The following ADGRG2 variants were observed in gnomAD, a reference collection of about 807,000 sequenced individuals.
The protein encoded by ADGRG2 is adhesion G protein-coupled receptor G2.
A neutral mutation model predicts 74.1 loss-of-function variants in ADGRG2; 26 were observed. The observed-to-expected ratio is 0.35, with a 90% CI of 0.26 to 0.49. The LOEUF (loss-of-function observed/expected upper bound fraction) is 0.49, where lower values mean the gene tolerates loss of function less well. ADGRG2 is among the 20% of genes least tolerant of loss of function. The pLI is 0.99. For synonymous variants in ADGRG2, 296 were observed against 295.2 expected (o/e 1.00, Z -0.03); for missense variants, 619 against 763.1 (o/e 0.81, Z 2.22).
intron 3 of ADGRG2, among the ~76,000 whole-genome samples, chrX:19,047,710 C>T (rs1365582186): frequency 1.8e-5 from 2 of 111,180 alleles, no homozygotes; most frequent in African/African-American, 6.6e-5. Context: ...GCCACCACGC[C>T]TAGGCACTCT....
At chrX:19,039,190 G>C (rs1246582227) in intron 4 of ADGRG2, 21 of 328,935 alleles carry the variant, frequency 6.4e-5, no homozygotes, top group South Asian at 1.0e-4. Context: ...AGGCAGGAAG[G>C]TGGTGGCCAA....
chrX:19,098,649 A>G (rs902456997), intron 1 of ADGRG2, among the ~76,000 whole-genome samples: 1 of 111,692 alleles, frequency 9.0e-6, no homozygotes, highest in Non-Finnish European at 1.9e-5. Context: ...AAACACATAA[A>G]GCAGAGAAGT....
chrX:19,118,701 T>C (rs1190291078), intron 1 of ADGRG2, among the ~76,000 whole-genome samples: 1 of 112,328 alleles, frequency 8.9e-6, no homozygotes, highest in Admixed American at 9.5e-5. Flanking sequence ...CAGTTTTTGA[T>C]AAAGCTCACA....
At chrX:19,091,939 T>C (rs5955519) in intron 1 of ADGRG2, among the ~76,000 whole-genome samples, 44,829 of 111,379 alleles carry the variant, frequency 0.4, 8,648 homozygotes, top group African/African-American at 0.76. Context: ...GAGCAGTATT[T>C]GGGAGGAAGA....
At chrX:19,117,594 A>T (rs958068055) in intron 1 of ADGRG2, among the ~76,000 whole-genome samples, 1 of 110,874 alleles carries the variant, frequency 9.0e-6, no homozygotes, top group Admixed American at 9.7e-5. Flanking sequence ...AGCCGGGTAG[A>T]TCACTTGAGG....
intron 1 of ADGRG2, among the ~76,000 whole-genome samples, chrX:19,095,847 C>A (rs181367928): frequency 9.1e-6 from 1 of 109,532 alleles, no homozygotes; most frequent in Non-Finnish European, 1.9e-5. Context: ...GACCCTCCCC[C>A]ATCTCAATAA....
intron 18 of ADGRG2, among the ~76,000 whole-genome samples, 160 bp downstream of exon 18, chrX:19,009,466 T>G (rs774999264): frequency 9.0e-5 from 10 of 111,595 alleles, no homozygotes; most frequent in Non-Finnish European, 1.7e-4. Flanking sequence ...GTGTGAGCCA[T>G]GGCACCCGGC....
chrX:19,030,523 G>A (rs1289440152), intron 9 of ADGRG2, among the ~76,000 whole-genome samples: 1 of 112,178 alleles, frequency 8.9e-6, no homozygotes, highest in Non-Finnish European at 1.9e-5. Flanking sequence ...TAAACTAGGT[G>A]TACTTGAGTT....
chrX:19,005,377 G>A (rs544776992), intron 22 of ADGRG2, among the ~76,000 whole-genome samples: 2 of 112,284 alleles, frequency 1.8e-5, no homozygotes, highest in South Asian at 7.3e-4. Flanking sequence ...AAATCTTAAA[G>A]TGCATTGCAA....
At chrX:19,117,442 TTTC>T (rs2062540855) in intron 1 of ADGRG2, among the ~76,000 whole-genome samples, 1 of 111,609 alleles carries the variant, frequency 9.0e-6, no homozygotes, top group Non-Finnish European at 1.9e-5. Flanking sequence ...CTTGATTCTC[TTTC>T]TTCCTCAGTA....
At chrX:19,063,705 C>T (rs377385644) in intron 3 of ADGRG2, among the ~76,000 whole-genome samples, 7 of 111,528 alleles carry the variant, frequency 6.3e-5, no homozygotes, top group African/African-American at 2.3e-4. Flanking sequence ...AAAGGAAGCC[C>T]GTAATGAGTG....
chrX:19,090,071 C>G (rs748814050), intron 1 of ADGRG2, among the ~76,000 whole-genome samples: 4 of 111,445 alleles, frequency 3.6e-5, no homozygotes, highest in African/African-American at 9.8e-5. Context: ...GGGAAGGGCC[C>G]ATTATGTATA....
At chrX:19,098,633 T>C (rs1267768648) in intron 1 of ADGRG2, among the ~76,000 whole-genome samples, 1 of 111,644 alleles carries the variant, frequency 9.0e-6, no homozygotes, top group Non-Finnish European at 1.9e-5. Flanking sequence ...GTAATAACTA[T>C]AAAGCAAACA....
Position 18,990,819 on chromosome X carries a change from A to C in ADGRG2, c.*45T>G. 6.2e-6 allele frequency: 6 copies of C among 975,040 alleles called. No homozygotes were observed. Among genetic ancestry groups the C allele is most frequent in the Non-Finnish European group, 8.4e-6 (6 of 712,466 alleles). 80.4% of individuals were successfully genotyped at this position (975,040 alleles called of 1,213,427 possible). ...CATTGTGTAAAAGGTAAAATTGGAC[A>C]TTTCACACTGTCAAGCATCATGCTT... On this transcript the variant is annotated 3_prime_UTR_variant, in exon 29 of 29. Transcript: ENST00000379869.
intron 1 of ADGRG2, among the ~76,000 whole-genome samples, chrX:19,098,684 G>A (rs1032458463): frequency 1.8e-5 from 2 of 111,029 alleles, no homozygotes; most frequent in African/African-American, 6.5e-5. Flanking sequence ...TTGGAGGTGG[G>A]GGAGGTAGCA....
At chrX:19,114,367 C>T (rs905069831) in intron 1 of ADGRG2, among the ~76,000 whole-genome samples, 8 of 110,965 alleles carry the variant, frequency 7.2e-5, no homozygotes, top group Admixed American at 4.8e-4. Context: ...AACAAACCCA[C>T]TAGGCAAGCA....
At chrX:19,100,752 A>G (rs899086788) in intron 1 of ADGRG2, among the ~76,000 whole-genome samples, 1 of 113,382 alleles carries the variant, frequency 8.8e-6, no homozygotes, top group South Asian at 3.5e-4. Context: ...TGTGAAAAGA[A>G]TGCATGGCTG....
At chrX:19,014,694 G>A (rs1421128703) in intron 15 of ADGRG2, among the ~76,000 whole-genome samples, 8 of 111,334 alleles carry the variant, frequency 7.2e-5, no homozygotes, top group African/African-American at 9.8e-5. Context: ...GTGCAGTGGC[G>A]TGATTTTGGG....
chrX:19,016,830 A>T (rs1284984397), intron 15 of ADGRG2, among the ~76,000 whole-genome samples: 1 of 105,134 alleles, frequency 9.5e-6, no homozygotes, highest in Non-Finnish European at 1.9e-5. Flanking sequence ...GGCTCAAGTG[A>T]CCCCTCCTAC....
Sources: gnomAD v4.1 joint callset for allele counts (sites outside exome capture counted in the v4.1 genomes callset) on GRCh38, gnomAD v4.1.1 for gene constraint, MANE v1.5 for transcripts, NCBI Gene and HGNC (gene_info 2026-07-23, HGNC 2026-07-21) for gene names.